Variants in ZNF609 observed in about 807,000 individuals in gnomAD.
The protein encoded by ZNF609 is zinc finger protein 609.
ZNF609 carries 11 observed loss-of-function variants against 109.5 expected under a neutral mutation model. The ratio of observed to expected loss-of-function variants is 0.10; its 90% CI spans 0.06 to 0.17. ZNF609 has a LOEUF of 0.17. Ranked by LOEUF, ZNF609 falls within the 10% of genes least tolerant of loss-of-function variation. The pLI, the probability that ZNF609 is intolerant of heterozygous loss-of-function variation, is 1.00. For missense variants in ZNF609, 1,559 were observed against 1,772.4 expected (o/e 0.88, Z 2.16); for synonymous variants, 646 against 662.0 (o/e 0.98, Z 0.37).
chr15:64,553,607 T>A (rs1198900946), intron 2 of ZNF609, among the ~76,000 whole-genome samples: 1 of 150,886 alleles, frequency 6.6e-6, no homozygotes, highest in African/African-American at 2.5e-5. Flanking sequence ...TTTATTTTAT[T>A]TTATCTTGTG....
At chr15:64,529,349 C>T (rs756080741) in intron 2 of ZNF609, 17 of 730,402 alleles carry the variant, frequency 2.3e-5, no homozygotes, top group Non-Finnish European at 4.3e-5. Context: ...GAGCCCCAGC[C>T]TTCTCCATGG....
chr15:64,568,954 A>G (rs1894820591), intron 2 of ZNF609, among the ~76,000 whole-genome samples: 2 of 152,138 alleles, frequency 1.3e-5, no homozygotes, highest in African/African-American at 2.4e-5. Flanking sequence ...CCTTGCAGAT[A>G]TTATCTTAAC....
intron 2 of ZNF609, among the ~76,000 whole-genome samples, chr15:64,621,886 C>T (rs572860728): frequency 6.6e-6 from 1 of 151,884 alleles, no homozygotes; most frequent in African/African-American, 2.4e-5. Context: ...CCACTACGCC[C>T]GGCTAATTTT....
intron 3 of ZNF609, among the ~76,000 whole-genome samples, chr15:64,665,183 C>A (rs978601016): frequency 5.3e-5 from 8 of 152,160 alleles, no homozygotes; most frequent in African/African-American, 1.4e-4. Context: ...TATCCTTTTC[C>A]CCTCTGGATG....
chr15:64,659,957 C>G (rs1333717036), intron 3 of ZNF609, among the ~76,000 whole-genome samples: 1 of 151,628 alleles, frequency 6.6e-6, no homozygotes, highest in African/African-American at 2.4e-5. Context: ...GCCTCAGCCT[C>G]CCGAGTAGCT....
intron 2 of ZNF609, among the ~76,000 whole-genome samples, chr15:64,528,083 C>A (rs1893996523): frequency 6.6e-6 from 1 of 151,278 alleles, no homozygotes; most frequent in Non-Finnish European, 1.5e-5. Context: ...ATTATGCAGG[C>A]TTGAGTTTGA....
chr15:64,665,549 G>A (rs939533666), intron 3 of ZNF609, among the ~76,000 whole-genome samples: 5 of 152,096 alleles, frequency 3.3e-5, no homozygotes, highest in African/African-American at 1.2e-4. Flanking sequence ...ACCAGGAGTT[G>A]AAACCAGCCT....
chr15:64,649,589 G>A (rs1896385061), intron 3 of ZNF609, among the ~76,000 whole-genome samples: 1 of 152,158 alleles, frequency 6.6e-6, no homozygotes, highest in Non-Finnish European at 1.5e-5. Context: ...CCTGCCTGAT[G>A]GGTTAAACCA....
At chr15:64,529,057 A>G in intron 2 of ZNF609, 1 of 1,285,338 alleles carries the variant, frequency 7.8e-7, no homozygotes. Context: ...GACAGGGATG[A>G]TGTCCTGGAG....
chr15:64,500,358 C>T (rs1566998944), intron 2 of ZNF609, 192 bp downstream of exon 2: 1 of 826,900 alleles, frequency 1.2e-6, no homozygotes, highest in South Asian at 1.4e-5. Flanking sequence ...GACTCATTTA[C>T]AGCAGGCCTG....
chr15:64,596,414 A>T (rs532177646), intron 2 of ZNF609, among the ~76,000 whole-genome samples: 1 of 152,232 alleles, frequency 6.6e-6, no homozygotes, highest in South Asian at 2.1e-4. Flanking sequence ...TCAGCCTCCC[A>T]AAGTGCTGAG....
chr15:64,604,331 G>A (rs1249415831), intron 2 of ZNF609, among the ~76,000 whole-genome samples: 1 of 152,166 alleles, frequency 6.6e-6, no homozygotes, highest in Non-Finnish European at 1.5e-5. Context: ...CCCCAATAGA[G>A]TTGTTAGGTG....
chr15:64,618,016 CT>C (rs1567030772), intron 2 of ZNF609, among the ~76,000 whole-genome samples: 1 of 152,162 alleles, frequency 6.6e-6, no homozygotes. Context: ...ATGACCTTAA[CT>C]TTTTAATATT....
chr15:64,490,006 G>A (rs113481342), intron 1 of ZNF609, among the ~76,000 whole-genome samples: 4,567 of 150,958 alleles, frequency 0.03, 240 homozygotes, highest in African/African-American at 0.1. Context: ...TCACCCAGGC[G>A]GGAGTGCAGT....
In ZNF609 at chr15:64,674,452, G is replaced by C; in HGVS notation, c.1598G>C (p.Ser533Thr). The part of the protein sequence containing the change: ...DDSKPEADGD[S>T]EYGEEPILHA... ...AGCAAGCCGGAAGCGGATGGGGACA[G>C]TGAGTACGGAGAGGAACCTATTCTC... The change falls in exon 5 of 10, where the codon AGT becomes ACT. Residue 533 changes from serine to threonine, a missense_variant. Around this residue, in one of 4 missense-constraint regions of ZNF609, gnomAD observed 1,204 missense variants for 1,314.1 expected, o/e 0.92. Transcript: ENST00000326648. The C allele has an allele frequency of 2.5e-6, 4 of 1,614,230 alleles. No homozygotes were observed. The highest frequency in any genetic ancestry group is 1.7e-6 in the Non-Finnish European group (2 of 1,180,056).
In ZNF609 at chr15:64,499,324, C is replaced by A; in HGVS notation, c.-96C>A. 6.7e-7 allele frequency: 1 copy of A among 1,499,838 alleles called. No individual in the cohort carries two copies. The highest frequency in any genetic ancestry group is 9.0e-7 in the Non-Finnish European group (1 of 1,112,710). The allele number at this position is 1,499,838 out of a possible 1,614,324, so 92.9% of individuals were successfully genotyped here. The stretch of plus-strand genomic sequence containing the variant: ...TGTTGTCCACTGGGCATGTACTGAC[C>A]AATGTGGCAGGTCTGAGAACATAGC... On this transcript the variant is annotated 5_prime_UTR_variant, in exon 2 of 10. Transcript: ENST00000326648.
chr15:64,459,869 C>T (rs960276355), upstream of ZNF609, among the ~76,000 whole-genome samples: 7 of 151,830 alleles, frequency 4.6e-5, no homozygotes, highest in African/African-American at 1.2e-4. Flanking sequence ...AGATGAATAG[C>T]AGATAAGGAA....
At chr15:64,642,791 C>G (rs530799988) in intron 3 of ZNF609, among the ~76,000 whole-genome samples, 2 of 152,166 alleles carry the variant, frequency 1.3e-5, no homozygotes, top group African/African-American at 4.8e-5. Context: ...AAGACCCTGT[C>G]TCAAAAAATA....
rs539648381 is a variant in ZNF609, at chr15:64,640,376, G to A, written c.973+17324G>A. 7.2e-5 allele frequency among the ~76,000 whole-genome samples: 11 copies of A among 151,846 alleles called. No homozygotes were observed. The East Asian group carries it at 1.9e-3, about 27-fold the overall frequency. ...TCTGCATTACTATTTACCCTTCCTT[G>A]GGTAAATACACTTGTGCTTTCTTTT... is the stretch of plus-strand genomic sequence containing the variant. On this transcript the variant is annotated intron_variant, in intron 3 of 9. Transcript: ENST00000326648.
Sources: allele counts gnomAD v4.1 joint callset (sites outside exome capture counted in the v4.1 genomes callset), GRCh38; gene constraint gnomAD v4.1.1; regional missense constraint gnomAD v4.1.1; transcripts MANE v1.5; gene names NCBI Gene and HGNC (gene_info 2026-07-23, HGNC 2026-07-21).